KLHL14: variants seen among roughly 807,000 people sequenced by gnomAD.
The protein encoded by KLHL14 is kelch like family member 14.
In KLHL14, 22 loss-of-function variants were observed where a neutral mutation model predicts 64.3. The observed-to-expected ratio is 0.34, with a 90% CI of 0.24 to 0.49. The LOEUF is 0.49. Ranked by LOEUF, KLHL14 falls within the 20% of genes least tolerant of loss-of-function variation. The pLI, the probability that KLHL14 is intolerant of heterozygous loss-of-function variation, is 0.99. For synonymous variants in KLHL14, 322 were observed against 333.4 expected (o/e 0.97, Z 0.37); for missense variants, 661 against 789.0 (o/e 0.84, Z 1.94).
At chr18:32,732,152 A>C (rs2050140218) in intron 3 of KLHL14, among the ~76,000 whole-genome samples, 1 of 152,148 alleles carries the variant, frequency 6.6e-6, no homozygotes, top group Non-Finnish European at 1.5e-5. Context: ...TGAACCCGGG[A>C]GGTGGAGGTT....
rs962512653 is a variant in KLHL14, at chr18:32,673,723, T to C, written c.*934A>G. On this transcript the variant is annotated 3_prime_UTR_variant, in exon 9 of 9. Transcript: ENST00000359358. ...AATTCTACTTAATGGAAATTATTCT[T>C]TCTTTTCATCCCTGAATTCCTGAAA... is the stretch of plus-strand genomic sequence containing the variant. 6.6e-6 allele frequency: 1 copy of C among 152,216 alleles called. No individual in the cohort carries two copies. The highest frequency in any genetic ancestry group is 1.5e-5 in the Non-Finnish European group (1 of 68,036). 9.4% of individuals were successfully genotyped at this position (152,216 alleles called of 1,614,324 possible). A position where few individuals can be genotyped will look rare whatever the true frequency, so the allele number is the denominator to read the frequency against.
chr18:32,725,038 A>G (rs1018752735), intron 3 of KLHL14, among the ~76,000 whole-genome samples: 17 of 151,268 alleles, frequency 1.1e-4, no homozygotes, highest in African/African-American at 3.6e-4. Context: ...TTTTAGAGAC[A>G]GGATCTTACC....
At chr18:32,678,369 A>G (rs908346073) in intron 7 of KLHL14, among the ~76,000 whole-genome samples, 2 of 152,192 alleles carry the variant, frequency 1.3e-5, no homozygotes, top group African/African-American at 4.8e-5. Context: ...TGAGAAGATG[A>G]ATAAAAAGGT....
chr18:32,706,118 GATTCAGAAGAATCTGTC>G (rs1242634007), intron 3 of KLHL14, among the ~76,000 whole-genome samples: 1 of 152,244 alleles, frequency 6.6e-6, no homozygotes, highest in African/African-American at 2.4e-5. Flanking sequence ...TCACTGCAAA[GATTCAGAAGAATCTGTC>G]ATACAGTCTT....
At chr18:32,688,824 A>G (rs951788405) in intron 4 of KLHL14, among the ~76,000 whole-genome samples, 2 of 152,194 alleles carry the variant, frequency 1.3e-5, no homozygotes, top group Non-Finnish European at 2.9e-5. Context: ...AGAGTAGACT[A>G]TAGGAGGGCC....
At chr18:32,750,914 C>T (rs2050247790) in intron 2 of KLHL14, among the ~76,000 whole-genome samples, 1 of 152,192 alleles carries the variant, frequency 6.6e-6, no homozygotes, top group South Asian at 2.1e-4. Flanking sequence ...CATCAGTCCT[C>T]TTCTTAAAAA....
intron 3 of KLHL14, among the ~76,000 whole-genome samples, chr18:32,700,513 T>G (rs1003884209): frequency 3.3e-5 from 5 of 152,182 alleles, no homozygotes; most frequent in Non-Finnish European, 5.9e-5. Flanking sequence ...ATTATATATA[T>G]GGGTCATTTT....
chr18:32,687,042 C>G, intron 5 of KLHL14, 113 bp downstream of exon 5: 1 of 838,936 alleles, frequency 1.2e-6, no homozygotes, highest in Non-Finnish European at 2.0e-6. Flanking sequence ...TATTTTGCCT[C>G]ATATGTCTTT....
intron 2 of KLHL14, among the ~76,000 whole-genome samples, chr18:32,756,348 G>A (rs1158822661): frequency 6.6e-6 from 1 of 151,838 alleles, no homozygotes; most frequent in Non-Finnish European, 1.5e-5. Flanking sequence ...ACCAGAAATT[G>A]GAGACAATAA....
chr18:32,676,648 G>T (rs566207081), intron 8 of KLHL14, among the ~76,000 whole-genome samples: 3 of 152,244 alleles, frequency 2.0e-5, no homozygotes, highest in South Asian at 4.1e-4. Context: ...GATAGATGAA[G>T]TGTGGCAAAA....
At chr18:32,764,520 AG>A (rs2050330616) in intron 2 of KLHL14, among the ~76,000 whole-genome samples, 1 of 19,512 alleles carries the variant, frequency 5.1e-5, no homozygotes, top group African/African-American at 8.1e-5. Flanking sequence ...CCAAGTGCCT[AG>A]CCTAGTACAT....
chr18:32,719,290 T>A (rs9954999), intron 3 of KLHL14, among the ~76,000 whole-genome samples: 36,615 of 152,218 alleles, frequency 0.24, 4,621 homozygotes, highest in Middle Eastern at 0.32. Context: ...ATGCCTGTTT[T>A]GTGCACCAAT....
Position 32,753,808 on chromosome 18 carries a change from G to A in KLHL14, c.948-11759C>T, listed in dbSNP as rs563482956. ...ACCTCCCAGATTAAAGCTTCCTTTG[G>A]TAACTAGGAGCAGTTGAATATCTTC... is the stretch of plus-strand genomic sequence containing the variant. On this transcript the variant is annotated intron_variant, in intron 2 of 8. Transcript: ENST00000359358. 2.6e-5 allele frequency among the ~76,000 whole-genome samples: 4 copies of A among 152,268 alleles called. No homozygotes were observed. The East Asian group carries it at 5.8e-4, about 22-fold the overall frequency.
intron 2 of KLHL14, among the ~76,000 whole-genome samples, chr18:32,746,384 C>T (rs4799662): frequency 0.31 from 47,171 of 151,974 alleles, 7,495 homozygotes; most frequent in Non-Finnish European, 0.33. Flanking sequence ...GGCGTGTGTG[C>T]GCGCCTGTAT....
intron 2 of KLHL14, among the ~76,000 whole-genome samples, chr18:32,766,562 G>A (rs180879930): frequency 2.6e-5 from 4 of 152,130 alleles, no homozygotes; most frequent in South Asian, 2.1e-4. Flanking sequence ...CTGTGGTCAC[G>A]TTGCTGGTGC....
At chr18:32,685,970 TAGAAAAG>T (rs2049875262) in intron 5 of KLHL14, among the ~76,000 whole-genome samples, 1 of 151,776 alleles carries the variant, frequency 6.6e-6, no homozygotes, top group South Asian at 2.1e-4. Context: ...ATGTAAGAAA[TAGAAAAG>T]AGAAAGAATG....
intron 3 of KLHL14, chr18:32,733,934 G>C (rs1243004434): frequency 1.9e-6 from 1 of 539,858 alleles, no homozygotes; most frequent in African/African-American, 1.9e-5. Flanking sequence ...TTATGTGTGA[G>C]GGACCAGATA....
chr18:32,722,208 T>C (rs1357640745), intron 3 of KLHL14, among the ~76,000 whole-genome samples: 1 of 152,178 alleles, frequency 6.6e-6, no homozygotes, highest in Non-Finnish European at 1.5e-5. Flanking sequence ...AATTACCCAG[T>C]CTTAGATATG....
At chr18:32,772,082 C>A (rs1177416226) in intron 1 of KLHL14, 1 of 247,130 alleles carries the variant, frequency 4.0e-6, no homozygotes, top group Non-Finnish European at 7.9e-6. Flanking sequence ...CCTCTGCTTG[C>A]ATCCCGCCCG....
Sources: allele counts gnomAD v4.1 joint callset (sites outside exome capture counted in the v4.1 genomes callset), GRCh38; gene constraint gnomAD v4.1.1; transcripts MANE v1.5; gene names NCBI Gene and HGNC (gene_info 2026-07-23, HGNC 2026-07-21).